Variants in BCAT2 observed in about 807,000 individuals in gnomAD.
BCAT2 encodes branched-chain-amino-acid aminotransferase, mitochondrial.
Under a neutral mutation model 52.9 loss-of-function variants are expected in BCAT2, and 44 were observed. That is an observed-to-expected ratio of 0.83 (90% CI 0.65 to 1.07). The LOEUF (loss-of-function observed/expected upper bound fraction) is 1.07, where lower values mean the gene tolerates loss of function less well. Among genes scored for constraint, BCAT2 ranks in the 50% least tolerant of loss-of-function variants. BCAT2 has a pLI of 0.00. For missense variants in BCAT2, 478 were observed against 521.8 expected (o/e 0.92, Z 0.82); for synonymous variants, 215 against 217.1 (o/e 0.99, Z 0.08).
chr19:48,806,519 G>A lies in BCAT2; in HGVS notation c.298C>T (p.Gln100Ter), dbSNP rs117048185. 3.7e-6 allele frequency: 6 copies of A among 1,613,724 alleles called. No homozygotes were observed. The African/African-American group carries it at 5.3e-5, about 14-fold the overall frequency. Residue 100 changes from glutamine to a stop codon, truncating the protein, a stop_gained and splice_region_variant, in exon 3 of 11, where the codon CAG (glutamine) becomes TAG (stop). Coordinates refer to ENST00000316273, the MANE Select transcript of BCAT2 (RefSeq NM_001190.4). LOFTEE classifies it high-confidence loss of function. The stretch of plus-strand genomic sequence containing the variant: ...AGAGAGGCCGGCCGCCATGCCACCT[G>A]CAGGGAGTAGTGGAGGCTGGAGGAG... Reference protein sequence around the residue: ...PASSSLHYSLQLFEGMKAFKG... With the variant: ...PASSSLHYSL
intron 3 of BCAT2, 69 bp from the exon 4 acceptor site, chr19:48,800,366 C>CA (rs2034633059): frequency 7.3e-7 from 1 of 1,373,084 alleles, no homozygotes; most frequent in Non-Finnish European, 1.0e-6. Flanking sequence ...CCAAGACAGA[C>CA]AGAGACAGAT....
intron 1 of BCAT2, among the ~76,000 whole-genome samples, chr19:48,809,353 A>T (rs545838650): frequency 1.5e-3 from 232 of 152,232 alleles, no homozygotes; most frequent in Non-Finnish European, 2.4e-3. Context: ...ATTATGTCCC[A>T]TACAGCCCAG....
rs1362796555 is a variant in BCAT2, at chr19:48,796,567, C to A, written c.1065+11G>T. The A allele has an allele frequency of 6.2e-7, 1 of 1,611,476 alleles. No individual in the cohort carries two copies. Among genetic ancestry groups the A allele is most frequent in the Admixed American group, 1.7e-5 (1 of 59,904 alleles). Reference sequence around the variant, plus strand: ...CCTTCCCTCCCACCCACAATGGCAGCCCCGCCTCACCCTGTCTTTGTACAG... The same window carrying A: ...CCTTCCCTCCCACCCACAATGGCAGACCCGCCTCACCCTGTCTTTGTACAG... On this transcript the variant is annotated intron_variant, in intron 9 of 10. Coordinates refer to ENST00000316273, the MANE Select transcript of BCAT2 (RefSeq NM_001190.4).
intron 3 of BCAT2, 42 bp from the exon 4 acceptor site, chr19:48,800,339 G>A: frequency 6.4e-7 from 1 of 1,559,944 alleles, no homozygotes; most frequent in Non-Finnish European, 8.8e-7. Context: ...GACTTCTCCA[G>A]ACAGTCATGA....
Position 48,807,888 on chromosome 19 carries a change from G to T in BCAT2, c.25-814C>A, listed in dbSNP as rs2034827756. The T allele has an allele frequency of 4.1e-6, 4 of 985,624 alleles. No individual in the cohort carries two copies. Among genetic ancestry groups the T allele is most frequent in the Non-Finnish European group, 4.8e-6 (4 of 830,134 alleles). 61.1% of individuals were successfully genotyped at this position (985,624 alleles called of 1,614,324 possible). On this transcript the variant is annotated intron_variant, in intron 1 of 10. Coordinates refer to ENST00000316273, the MANE Select transcript of BCAT2 (RefSeq NM_001190.4). This position sits in a 1 kb window ranked among gnomAD's most constrained non-coding sequence, Gnocchi z 4.6. ...CTCAGGCGGGTCCTCCCAGAGGGGA[G>T]TAGGAAGAGCAGGTCTGGCTGTGTC...
At position 48,807,260 on chromosome 19, in the gene BCAT2, C is replaced by A; in HGVS notation, c.25-186G>T. 1 of 543,548 alleles carries A rather than the reference C, an allele frequency of 1.8e-6. No individual in the cohort carries two copies. The allele number at this position is 543,548 out of a possible 1,614,324, so 33.7% of individuals were successfully genotyped here. A position where few individuals can be genotyped will look rare whatever the true frequency, so the allele number is the denominator to read the frequency against. The stretch of plus-strand genomic sequence containing the variant: ...TCCCCTCCCTGCCCTGACGAGGGCT[C>A]GCTGGAAAGAGCTGAGTCAGCTCCC... On this transcript the variant is annotated intron_variant, in intron 1 of 10. Coordinates refer to ENST00000316273, the MANE Select transcript of BCAT2 (RefSeq NM_001190.4). This position sits in a 1 kb window ranked among gnomAD's most constrained non-coding sequence, Gnocchi z 4.6.
chr19:48,797,779 C>T (rs1051739075), intron 6 of BCAT2, among the ~76,000 whole-genome samples: 1 of 148,942 alleles, frequency 6.7e-6, no homozygotes, highest in African/African-American at 2.5e-5. Flanking sequence ...AAATCCTCAG[C>T]TGTCATTCAA....
chr19:48,803,541 TAAC>T (rs1250126703), intron 3 of BCAT2, among the ~76,000 whole-genome samples: 9 of 151,246 alleles, frequency 6.0e-5, no homozygotes, highest in Non-Finnish European at 1.3e-4. Flanking sequence ...AAAAGAGTCA[TAAC>T]AACAACAACA....
intron 10 of BCAT2, chr19:48,796,103 C>T (rs1440772475): frequency 2.1e-6 from 1 of 480,288 alleles, no homozygotes; most frequent in Non-Finnish European, 3.7e-6. Context: ...CCCACCAGGG[C>T]ACCCAGGGGC....
At chr19:48,802,348 A>G (rs1346837051) in intron 3 of BCAT2, among the ~76,000 whole-genome samples, 2 of 151,740 alleles carry the variant, frequency 1.3e-5, no homozygotes, top group African/African-American at 2.4e-5. Flanking sequence ...TTACAAGCAT[A>G]CATATCCTTT....
Position 48,797,576 on chromosome 19 carries a change from A to G in BCAT2, c.696-243T>C, listed in dbSNP as rs182674510. ...TTCTTTTCTTTTTTTTTTAAGACGG[A>G]GTCTCGCTCTGTCACCCAGGCTGGA... On this transcript the variant is annotated intron_variant, in intron 6 of 10. Coordinates refer to ENST00000316273, the MANE Select transcript of BCAT2 (RefSeq NM_001190.4). 1.1e-4 allele frequency: 52 copies of G among 482,700 alleles called. No homozygotes were observed. The East Asian group carries it at 2.1e-3, about 19-fold the overall frequency. 29.9% of individuals were successfully genotyped at this position (482,700 alleles called of 1,614,324 possible). A position where few individuals can be genotyped will look rare whatever the true frequency, so the allele number is the denominator to read the frequency against.
At chr19:48,801,213 G>A (rs923338817) in intron 3 of BCAT2, among the ~76,000 whole-genome samples, 2 of 151,378 alleles carry the variant, frequency 1.3e-5, no homozygotes, top group Non-Finnish European at 3.0e-5. Flanking sequence ...GGATTACAGG[G>A]GTGAGCCACT....
rs2122699142 is a variant in BCAT2 at position 48,808,078 on chromosome 19, G to C, written c.25-1004C>G. On this transcript the variant is annotated intron_variant, in intron 1 of 10. Coordinates refer to ENST00000316273, the MANE Select transcript of BCAT2 (RefSeq NM_001190.4). ...CTGATTCTGGAAGATGGACGTGAAT[G>C]GGCGTGGTCACTTGTCGCTAGGTGA... 6.1e-6 allele frequency: 6 copies of C among 987,266 alleles called. No individual in the cohort carries two copies. In the South Asian group the frequency reaches 2.8e-4, roughly 46 times the overall value. The allele number at this position is 987,266 out of a possible 1,614,324, so 61.2% of individuals were successfully genotyped here. A position where few individuals can be genotyped will look rare whatever the true frequency, so the allele number is the denominator to read the frequency against.
rs998751995 is a variant in BCAT2, at chr19:48,797,098, C to T, written c.839-76G>A. 3.7e-6 allele frequency: 6 copies of T among 1,607,744 alleles called. No homozygotes were observed. The African/African-American group carries it at 5.4e-5, about 14-fold the overall frequency. ...GCCGTCTTAAGAGCCACCCCCTTCC[C>T]CCATCCCAGAATCCCTGGGGCCTGT... On this transcript the variant is annotated intron_variant, in intron 7 of 10. Coordinates refer to ENST00000316273, the MANE Select transcript of BCAT2 (RefSeq NM_001190.4).
rs989429849 is a variant in BCAT2 at position 48,799,607 on chromosome 19, C to A, written c.695+68G>T. The A allele has an allele frequency of 6.8e-7, 1 of 1,470,042 alleles. No homozygotes were observed. The allele number at this position is 1,470,042 out of a possible 1,614,324, so 91.1% of individuals were successfully genotyped here. On this transcript the variant is annotated intron_variant, in intron 6 of 10. Transcript: ENST00000316273. This position sits in a 1 kb window ranked among gnomAD's most constrained non-coding sequence, Gnocchi z 5.5. ...ACATCCAGAGGCATGGCCGAAAGCA[C>A]GCACGCTGGTCCCTGTGTCTCCAAC...
intron 1 of BCAT2, 121 bp downstream of exon 1, chr19:48,810,863 C>A: frequency 6.5e-7 from 1 of 1,530,942 alleles, no homozygotes; most frequent in Non-Finnish European, 8.8e-7. Flanking sequence ...CCGCGCCCTG[C>A]AGCGGAACCC....
At chr19:48,795,522 C>T in intron 10 of BCAT2, 58 bp from the exon 11 acceptor site, 1 of 1,598,394 alleles carries the variant, frequency 6.3e-7, no homozygotes, top group South Asian at 1.1e-5. Context: ...TCCCAGTAGG[C>T]CCTGGGGTGT....
intron 3 of BCAT2, 113 bp from the exon 4 acceptor site, chr19:48,800,410 C>A: frequency 1.1e-6 from 1 of 930,518 alleles, no homozygotes; most frequent in Non-Finnish European, 1.6e-6. Context: ...AGATGGAGGC[C>A]AAGAGGAGAG....
chr19:48,800,019 T>C lies in BCAT2; in HGVS notation c.493A>G (p.Thr165Ala), dbSNP rs200989265. Residue 165 changes from threonine (T) to alanine (A), a missense_variant, in exon 5 of 11, where the codon ACC (threonine) becomes GCC (alanine). Coordinates refer to ENST00000316273, the MANE Select transcript of BCAT2 (RefSeq NM_001190.4). ...DKDWVPDAAG[T>A]SLYVRPVLIG... ...AGCACAGGCCGCACATAGAGGCTGGTGCCGGCGGCATCGGGGACCCAGTCC... is the reference window on the plus strand; with the variant it reads ...AGCACAGGCCGCACATAGAGGCTGGCGCCGGCGGCATCGGGGACCCAGTCC... The C allele has an allele frequency of 1.2e-6, 2 of 1,611,050 alleles. No individual in the cohort carries two copies. The highest frequency in any genetic ancestry group is 1.7e-6 in the Non-Finnish European group (2 of 1,179,220).
Sources: allele counts gnomAD v4.1 joint callset (sites outside exome capture counted in the v4.1 genomes callset), GRCh38; gene constraint gnomAD v4.1.1; non-coding constraint Gnocchi (gnomAD v3.1); transcripts MANE v1.5; gene names NCBI Gene and HGNC (gene_info 2026-07-23, HGNC 2026-07-21).